PLEKHM3: variants seen among roughly 807,000 people sequenced by gnomAD.
PLEKHM3 encodes the protein pleckstrin homology domain containing M3.
In PLEKHM3, 45 loss-of-function variants were observed where a neutral mutation model predicts 81.8. The ratio of observed to expected loss-of-function variants is 0.55; its 90% CI spans 0.43 to 0.71. PLEKHM3 has a LOEUF of 0.71. Ranked by LOEUF, PLEKHM3 falls within the 30% of genes least tolerant of loss-of-function variation. PLEKHM3 has a pLI of 0.00. For synonymous variants in PLEKHM3, 352 were observed against 356.4 expected (o/e 0.99, Z 0.14); for missense variants, 788 against 924.3 (o/e 0.85, Z 1.91).
intron 4 of PLEKHM3, among the ~76,000 whole-genome samples, chr2:207,943,846 C>T (rs6735722): frequency 0.044 from 5,049 of 115,450 alleles, 304 homozygotes; most frequent in African/African-American, 0.16. Context: ...CCAGCCTGGG[C>T]GACAGAGCGA....
chr2:207,842,447 T>A (rs181773368), intron 7 of PLEKHM3, among the ~76,000 whole-genome samples: 4 of 152,334 alleles, frequency 2.6e-5, no homozygotes, highest in African/African-American at 9.6e-5. Flanking sequence ...GTTTATAAAA[T>A]TAGCAAACAT....
At chr2:207,989,185 T>C (rs1049856494) in intron 2 of PLEKHM3, among the ~76,000 whole-genome samples, 1 of 152,214 alleles carries the variant, frequency 6.6e-6, no homozygotes, top group East Asian at 1.9e-4. Flanking sequence ...TTTGCTACAA[T>C]CTGTGGAGAT....
At chr2:207,872,640 C>T (rs2092540692) in intron 6 of PLEKHM3, among the ~76,000 whole-genome samples, 2 of 152,140 alleles carry the variant, frequency 1.3e-5, no homozygotes, top group Admixed American at 1.3e-4. Flanking sequence ...GAGTTTGAGA[C>T]CAGCCTGGCC....
chr2:208,009,074 ACTGT>A (rs1318219484), intron 1 of PLEKHM3, among the ~76,000 whole-genome samples: 5 of 152,200 alleles, frequency 3.3e-5, no homozygotes, highest in African/African-American at 1.2e-4. Flanking sequence ...TGGGGGGGAC[ACTGT>A]TCTGGGCACC....
intron 4 of PLEKHM3, among the ~76,000 whole-genome samples, chr2:207,935,483 G>A (rs1689721030): frequency 6.6e-6 from 1 of 152,120 alleles, no homozygotes; most frequent in Non-Finnish European, 1.5e-5. Context: ...GTTCTGGAGG[G>A]GCTCTTTTCC....
rs557550274 is a variant in PLEKHM3 at position 208,007,633 on chromosome 2, T to C, written c.-318-5676A>G. 1.7e-4 allele frequency among the ~76,000 whole-genome samples: 26 copies of C among 152,190 alleles called. No individual in the cohort carries two copies. In the South Asian group the frequency reaches 3.1e-3, roughly 18 times the overall value. On this transcript the variant is annotated intron_variant, in intron 1 of 7. Transcript: ENST00000427836. Reference sequence around the variant, plus strand: ...AAGAGCATACCATTAAAAAAATAATTTGGGCTGGAGGTGGTGGCTCACACC... The same window carrying C: ...AAGAGCATACCATTAAAAAAATAATCTGGGCTGGAGGTGGTGGCTCACACC...
chr2:208,000,988 G>C, intron 2 of PLEKHM3, 42 bp downstream of exon 2: 3 of 1,141,240 alleles, frequency 2.6e-6, no homozygotes, highest in South Asian at 3.7e-5. Flanking sequence ...GCCCCAAAAA[G>C]AAAAAAAAAA....
chr2:207,953,686 T>C (rs1218007479), intron 3 of PLEKHM3, among the ~76,000 whole-genome samples: 1 of 152,156 alleles, frequency 6.6e-6, no homozygotes, highest in Non-Finnish European at 1.5e-5. Flanking sequence ...GGCACATGCC[T>C]GTAATCCCAG....
Position 208,021,305 on chromosome 2 carries a change from T to C in PLEKHM3, c.-319+4084A>G, listed in dbSNP as rs375007690. Among the ~76,000 whole-genome samples the C allele has an allele frequency of 5.3e-4, 80 of 152,344 alleles. 1 individual carries two copies. Among genetic ancestry groups the C allele is most frequent in the African/African-American group, 1.9e-3 (79 of 41,586 alleles). ...ATAGCCCAAAACCTAAATCCATCAA[T>C]CTATGAGAAAACAAATACTTTTAAT... On this transcript the variant is annotated intron_variant, in intron 1 of 7. Coordinates refer to ENST00000427836, the MANE Select transcript of PLEKHM3 (RefSeq NM_001080475.3).
chr2:207,865,799 A>ATATATATATAT (rs1227503454), intron 6 of PLEKHM3, among the ~76,000 whole-genome samples: 6 of 35,108 alleles, frequency 1.7e-4, no homozygotes, highest in African/African-American at 1.1e-3. Context: ...AAAAAAAAAA[A>ATATATATATAT]AAAGATATAT....
intron 2 of PLEKHM3, among the ~76,000 whole-genome samples, chr2:207,982,273 TTTTC>T (rs1299283769): frequency 1.7e-5 from 2 of 117,742 alleles, no homozygotes; most frequent in African/African-American, 3.2e-5. Context: ...CCCTCCTTCC[TTTTC>T]TTTCTTTCTC....
chr2:207,881,385 C>T (rs1371012970), intron 6 of PLEKHM3, among the ~76,000 whole-genome samples: 2 of 152,154 alleles, frequency 1.3e-5, no homozygotes, highest in African/African-American at 4.8e-5. Flanking sequence ...ATGATTATAA[C>T]ACTGGCAGCT....
intron 1 of PLEKHM3, among the ~76,000 whole-genome samples, chr2:208,008,717 G>A (rs1692590355): frequency 6.6e-6 from 1 of 152,082 alleles, no homozygotes; most frequent in Non-Finnish European, 1.5e-5. Flanking sequence ...TTCCTCCCAG[G>A]GTTTTGTGGG....
Position 207,865,799 on chromosome 2 carries a change from A to ATATATATAT in PLEKHM3, c.1951-4538_1951-4537insATATATATA, listed in dbSNP as rs1227503454. 5.1e-4 allele frequency among the ~76,000 whole-genome samples: 18 copies of ATATATATAT among 35,096 alleles called. 1 individual carries two copies. Among genetic ancestry groups the ATATATATAT allele is most frequent in the African/African-American group, 3.1e-3 (17 of 5,556 alleles). 23.0% of individuals were successfully genotyped at this position (35,096 alleles called of 152,430 possible). On this transcript the variant is annotated intron_variant, in intron 6 of 7. Transcript: ENST00000427836. ...TCCGACTCAAAAAAAAAAAAAAAAA[A>ATATATATAT]AAAGATATATATATATATATATATA...
chr2:207,908,604 G>A (rs777424813), intron 5 of PLEKHM3, 27 bp from the exon 6 acceptor site: 26 of 1,564,250 alleles, frequency 1.7e-5, no homozygotes, highest in Non-Finnish European at 2.3e-5. Context: ...ATAGACAAGT[G>A]AACTGTGGTG....
At chr2:207,865,913 A>T (rs1487037500) in intron 6 of PLEKHM3, among the ~76,000 whole-genome samples, 9 of 137,488 alleles carry the variant, frequency 6.5e-5, no homozygotes, top group Admixed American at 5.4e-4. Context: ...GTCTTTTATG[A>T]CTGGCTTCTT....
chr2:207,906,626 T>C (rs1688620010), intron 6 of PLEKHM3, among the ~76,000 whole-genome samples: 2 of 151,918 alleles, frequency 1.3e-5, no homozygotes, highest in African/African-American at 4.8e-5. Context: ...CCGTCTCTAG[T>C]AAAAATGCAA....
In PLEKHM3 at chr2:207,822,298, A is replaced by G. The variant is rs1455937528; in HGVS notation, c.*6021T>C. On this transcript the variant is annotated 3_prime_UTR_variant, in exon 8 of 8. Coordinates refer to ENST00000427836, the MANE Select transcript of PLEKHM3 (RefSeq NM_001080475.3). ...TTTGGAAAACAGGTGGCAAAATAAA[A>G]AGAAAACCTTTGAAAGGTGAAAGAT... The G allele has an allele frequency of 1.3e-5, 2 of 152,702 alleles. No homozygotes were observed. Among genetic ancestry groups the G allele is most frequent in the Non-Finnish European group, 2.9e-5 (2 of 68,058 alleles). 9.5% of individuals were successfully genotyped at this position (152,702 alleles called of 1,614,324 possible).
rs111562902 is a variant in PLEKHM3 at position 207,922,811 on chromosome 2, C to CA, written c.1886+8114dup. The stretch of plus-strand genomic sequence containing the variant: ...TGGGCAACAGAGAGAGACTCCGTCT[C>CA]AAAAAAAAAAAAAGAAGACCATCCA... On this transcript the variant is annotated intron_variant, in intron 5 of 7. Transcript: ENST00000427836. Among the ~76,000 whole-genome samples, 1,135 of 118,806 alleles carry CA rather than the reference C, an allele frequency of 9.6e-3. 14 individuals carry two copies. The highest frequency in any genetic ancestry group is 0.027 in the African/African-American group (909 of 33,788). 77.9% of individuals were successfully genotyped at this position (118,806 alleles called of 152,430 possible).
Sources: allele counts gnomAD v4.1 joint callset (sites outside exome capture counted in the v4.1 genomes callset), GRCh38; gene constraint gnomAD v4.1.1; transcripts MANE v1.5; gene names NCBI Gene and HGNC (gene_info 2026-07-23, HGNC 2026-07-21).